The following CDIN1 variants were observed in gnomAD, a reference collection of about 807,000 sequenced individuals.
The protein encoded by CDIN1 is CDAN1 interacting nuclease 1.
In CDIN1, 33 loss-of-function variants were observed where a neutral mutation model predicts 45.3. The observed-to-expected ratio is 0.73, with a 90% CI of 0.55 to 0.97. CDIN1 has a LOEUF of 0.97. Ranked by LOEUF, CDIN1 falls within the 50% of genes least tolerant of loss-of-function variation. The pLI is 0.00. For synonymous variants in CDIN1, 118 were observed against 124.4 expected (o/e 0.95, Z 0.34); for missense variants, 303 against 339.4 (o/e 0.89, Z 0.84).
At chr15:36,721,600 T>C (rs1287331882) in intron 10 of CDIN1, among the ~76,000 whole-genome samples, 4 of 152,188 alleles carry the variant, frequency 2.6e-5, no homozygotes, top group South Asian at 2.1e-4. Context: ...TCTCTGTAAA[T>C]TTTCTATGTA....
At chr15:36,730,058 A>G (rs542924131) in intron 10 of CDIN1, among the ~76,000 whole-genome samples, 3 of 152,262 alleles carry the variant, frequency 2.0e-5, no homozygotes, top group African/African-American at 7.2e-5. Flanking sequence ...ATCTACTCAC[A>G]TGTATTTATG....
chr15:36,761,433 T>C (rs1274490264), intron 10 of CDIN1, among the ~76,000 whole-genome samples: 2 of 152,242 alleles, frequency 1.3e-5, no homozygotes, highest in Admixed American at 1.3e-4. Flanking sequence ...CTCCAAATGA[T>C]CTGGTGACAG....
intron 10 of CDIN1, among the ~76,000 whole-genome samples, chr15:36,728,830 C>T (rs1332287575): frequency 6.6e-6 from 1 of 152,048 alleles, no homozygotes; most frequent in Non-Finnish European, 1.5e-5. Context: ...CGTGCCACCA[C>T]GTTCAGCTAA....
intron 1 of CDIN1, chr15:36,618,108 G>C (rs570053654): frequency 8.5e-5 from 62 of 732,972 alleles, no homozygotes; most frequent in Admixed American, 2.3e-4. Flanking sequence ...CCACTGGCCC[G>C]CTTTCCCAAT....
At position 36,796,961 on chromosome 15, in the gene CDIN1, G is replaced by T. The variant is rs970050367; in HGVS notation, c.717-11363G>T. 3.3e-5 allele frequency among the ~76,000 whole-genome samples: 5 copies of T among 152,294 alleles called. No homozygotes were observed. The South Asian group carries it at 6.2e-4, about 19-fold the overall frequency. On this transcript the variant is annotated intron_variant, in intron 10 of 10. Coordinates refer to ENST00000566621, the MANE Select transcript of CDIN1 (RefSeq NM_001321759.2). Reference sequence around the variant, plus strand: ...CATGACTCTTTGAAGAAAAGGCAGAGTATAAATACATTAAAAGCCGCACAA... The same window carrying T: ...CATGACTCTTTGAAGAAAAGGCAGATTATAAATACATTAAAAGCCGCACAA...
rs780494427 is a variant in CDIN1, at chr15:36,712,260, C to CTTTTTT, written c.716+2317_716+2322dup. Among the ~76,000 whole-genome samples the CTTTTTT allele has an allele frequency of 2.1e-3, 161 of 77,358 alleles. 2 individuals carry two copies. Among genetic ancestry groups the CTTTTTT allele is most frequent in the Non-Finnish European group, 2.2e-3 (97 of 43,684 alleles). 50.7% of individuals were successfully genotyped at this position (77,358 alleles called of 152,430 possible). A position where few individuals can be genotyped will look rare whatever the true frequency, so the allele number is the denominator to read the frequency against. On this transcript the variant is annotated intron_variant, in intron 10 of 10. Transcript: ENST00000566621. ...TTCAATTACTATTTATAGACTAATGCTTTTTTTTTTTTTTTTTTTTTTTGA... is the reference window on the plus strand; with the variant it reads ...TTCAATTACTATTTATAGACTAATGCTTTTTTTTTTTTTTTTTTTTTTTTTTTTTGA...
chr15:36,622,388 A>G (rs1333792568), intron 1 of CDIN1, among the ~76,000 whole-genome samples: 1 of 152,112 alleles, frequency 6.6e-6, no homozygotes, highest in Non-Finnish European at 1.5e-5. Context: ...TCTCATTGGC[A>G]TGCCATTGTG....
At chr15:36,692,914 C>T (rs1595480071) in intron 7 of CDIN1, among the ~76,000 whole-genome samples, 5 of 152,244 alleles carry the variant, frequency 3.3e-5, no homozygotes, top group Admixed American at 3.3e-4. Context: ...TGATAATCCT[C>T]AAAGGTGCTA....
chr15:36,579,952 G>T lies in CDIN1; in HGVS notation c.92G>T (p.Arg31Met), dbSNP rs1175025767. The T allele has an allele frequency of 1.9e-6, 3 of 1,612,860 alleles. No individual in the cohort carries two copies. Among genetic ancestry groups the T allele is most frequent in the African/African-American group, 1.3e-5 (1 of 74,918 alleles). The change falls in exon 1 of 11, where the codon AGG becomes ATG. Residue 31 changes from arginine to methionine, a missense_variant. Coordinates refer to ENST00000566621, the MANE Select transcript of CDIN1 (RefSeq NM_001321759.2). ...CAGAGCCTGAGGAAGCTGAAGCAGAGGTTTCCCAGGTAAGTGTCCATCTCT... is the reference window on the plus strand; with the variant it reads ...CAGAGCCTGAGGAAGCTGAAGCAGATGTTTCCCAGGTAAGTGTCCATCTCT... ...TRQSLRKLKQ[R>M]FPSQSQATLL...
chr15:36,687,453 AT>A (rs1332247374), intron 5 of CDIN1, among the ~76,000 whole-genome samples: 1 of 152,234 alleles, frequency 6.6e-6, no homozygotes, highest in African/African-American at 2.4e-5. Flanking sequence ...AGGGAGGCAG[AT>A]CCTATCCAAA....
chr15:36,580,019 C>T (rs531206658), intron 1 of CDIN1, 58 bp downstream of exon 1: 2 of 1,469,182 alleles, frequency 1.4e-6, no homozygotes, highest in South Asian at 2.4e-5. Context: ...GTGCCTGGGC[C>T]GCCCAGGCAG....
Position 36,720,282 on chromosome 15 carries a change from A to G in CDIN1, c.716+10321A>G, listed in dbSNP as rs1485433314. Reference sequence around the variant, plus strand: ...TTTATTTATTTATTTATTTATTATTATTTTTAAAATTATACTTTAAGTTCT... The same window carrying G: ...TTTATTTATTTATTTATTTATTATTGTTTTTAAAATTATACTTTAAGTTCT... On this transcript the variant is annotated intron_variant, in intron 10 of 10. Coordinates refer to ENST00000566621, the MANE Select transcript of CDIN1 (RefSeq NM_001321759.2). 6.2e-5 allele frequency among the ~76,000 whole-genome samples: 9 copies of G among 145,554 alleles called. No homozygotes were observed. In the Admixed American group the frequency reaches 6.2e-4, roughly 10 times the overall value.
At chr15:36,736,293 T>TG (rs1306034950) in intron 10 of CDIN1, among the ~76,000 whole-genome samples, 1 of 152,180 alleles carries the variant, frequency 6.6e-6, no homozygotes, top group Non-Finnish European at 1.5e-5. Context: ...TCCCTAGAAT[T>TG]GCATGGTTTG....
intron 1 of CDIN1, among the ~76,000 whole-genome samples, chr15:36,599,046 G>A (rs992255905): frequency 6.6e-6 from 1 of 150,600 alleles, no homozygotes. Context: ...ACTTTCTGAT[G>A]TGGGCCTGTG....
At chr15:36,718,986 G>T (rs6495869) in intron 10 of CDIN1, among the ~76,000 whole-genome samples, 21,597 of 151,716 alleles carry the variant, frequency 0.14, 1,661 homozygotes, top group East Asian at 0.29. Context: ...CACTTTGGGA[G>T]ACCAGTGCAG....
chr15:36,671,341 C>T (rs56317433), intron 5 of CDIN1, among the ~76,000 whole-genome samples: 2,679 of 152,080 alleles, frequency 0.018, 86 homozygotes, highest in African/African-American at 0.062. Context: ...AGGTAGAAAA[C>T]GGTATCTTTA....
chr15:36,795,097 TAA>T lies in CDIN1; in HGVS notation c.717-13225_717-13224del, dbSNP rs1259791023. Reference sequence around the variant, plus strand: ...GCTTCAAAAGTTGATCTCATGGGGGTAAAGAGTAGAGTGACAGCTATCCAAGG... The same window carrying T: ...GCTTCAAAAGTTGATCTCATGGGGGTAGAGTAGAGTGACAGCTATCCAAGG... On this transcript the variant is annotated intron_variant, in intron 10 of 10. Transcript: ENST00000566621. Among the ~76,000 whole-genome samples, 8 of 152,014 alleles carry T rather than the reference TAA, an allele frequency of 5.3e-5. No individual in the cohort carries two copies. The South Asian group carries it at 1.5e-3, about 28-fold the overall frequency.
At chr15:36,767,006 T>C (rs753224794) in intron 10 of CDIN1, among the ~76,000 whole-genome samples, 1 of 152,180 alleles carries the variant, frequency 6.6e-6, no homozygotes, top group Non-Finnish European at 1.5e-5. Flanking sequence ...TAGGAAATCA[T>C]TGTCAAGACC....
chr15:36,781,140 C>T (rs182386762), intron 10 of CDIN1, among the ~76,000 whole-genome samples: 4 of 152,234 alleles, frequency 2.6e-5, no homozygotes, highest in Non-Finnish European at 5.9e-5. Flanking sequence ...GATGGTAATA[C>T]AAAAGAATAA....
Sources: allele counts gnomAD v4.1 joint callset (sites outside exome capture counted in the v4.1 genomes callset), GRCh38; gene constraint gnomAD v4.1.1; transcripts MANE v1.5; gene names NCBI Gene and HGNC (gene_info 2026-07-23, HGNC 2026-07-21).